Variants in RYR2 observed in about 807,000 individuals in gnomAD.
RYR2 encodes cardiac muscle ryanodine receptor-calcium release channel.
Under a neutral mutation model 601.1 loss-of-function variants are expected in RYR2, and 227 were observed. The ratio of observed to expected loss-of-function variants is 0.38; its 90% CI spans 0.34 to 0.42. The LOEUF (loss-of-function observed/expected upper bound fraction) is 0.42. Among genes scored for constraint, RYR2 ranks in the 10% least tolerant of loss-of-function variants. The pLI is 1.00. For synonymous variants in RYR2, 2,223 were observed against 2,175.1 expected (o/e 1.02, Z -0.61); for missense variants, 4,646 against 6,156.5 (o/e 0.75, Z 8.21).
intron 1 of RYR2, among the ~76,000 whole-genome samples, chr1:237,045,961 T>A (rs955858621): frequency 6.7e-6 from 1 of 149,584 alleles, no homozygotes; most frequent in Non-Finnish European, 1.5e-5. Context: ...TACTGTGTCA[T>A]GTAGTTTTGT....
intron 1 of RYR2, among the ~76,000 whole-genome samples, chr1:237,242,513 G>A (rs982583076): frequency 1.3e-5 from 2 of 152,046 alleles, no homozygotes; most frequent in African/African-American, 2.4e-5. Flanking sequence ...GTCTTGTGAA[G>A]TAGATACTTT....
chr1:237,544,586 A>G, intron 25 of RYR2, among the ~76,000 whole-genome samples: 1 of 152,176 alleles, frequency 6.6e-6, no homozygotes, highest in East Asian at 1.9e-4. Flanking sequence ...TGTCAATTAC[A>G]TTTGATTCAA....
intron 29 of RYR2, among the ~76,000 whole-genome samples, chr1:237,580,931 C>G (rs530432747): frequency 6.6e-6 from 1 of 152,276 alleles, no homozygotes; most frequent in South Asian, 2.1e-4. Context: ...GCCTTCCAGC[C>G]TCCAGACTGT....
chr1:237,715,748 G>A (rs1016557070), intron 71 of RYR2, among the ~76,000 whole-genome samples: 2 of 152,078 alleles, frequency 1.3e-5, no homozygotes, highest in Non-Finnish European at 1.5e-5. Flanking sequence ...CTATATTGGG[G>A]ATGTCGCTTT....
At chr1:237,591,645 C>A in intron 31 of RYR2, 94 bp from the exon 32 acceptor site, 1 of 1,049,846 alleles carries the variant, frequency 9.5e-7, no homozygotes, top group Non-Finnish European at 1.4e-6. Context: ...CAAAATCGCC[C>A]AGGTTTAAGG....
At chr1:237,626,569 T>A in intron 40 of RYR2, among the ~76,000 whole-genome samples, 1 of 142,474 alleles carries the variant, frequency 7.0e-6, no homozygotes, top group African/African-American at 2.6e-5. Flanking sequence ...TTTCTTTTTC[T>A]TTTTCTTTTT....
intron 3 of RYR2, among the ~76,000 whole-genome samples, chr1:237,343,662 T>A (rs766570005): frequency 6.6e-6 from 1 of 152,338 alleles, no homozygotes; most frequent in African/African-American, 2.4e-5. Context: ...TTTGTGTGAA[T>A]GACAATTATA....
At chr1:237,088,379 C>G (rs1291317578) in intron 1 of RYR2, among the ~76,000 whole-genome samples, 1 of 152,174 alleles carries the variant, frequency 6.6e-6, no homozygotes, top group Non-Finnish European at 1.5e-5. Context: ...GCTTTTCTTT[C>G]CTTTTTCTAC....
chr1:237,668,881 T>C (rs528690731), intron 58 of RYR2, among the ~76,000 whole-genome samples: 70 of 152,062 alleles, frequency 4.6e-4, no homozygotes, highest in African/African-American at 1.5e-3. Context: ...TTATTTTTTA[T>C]TTTTTTTATT....
At chr1:237,375,833 A>C (rs1304863170) in intron 7 of RYR2, among the ~76,000 whole-genome samples, 1 of 152,354 alleles carries the variant, frequency 6.6e-6, no homozygotes, top group South Asian at 2.1e-4. Flanking sequence ...TCTCTTCAAA[A>C]GAAGTAAAAG....
At chr1:237,279,128 C>T (rs551616910) in intron 2 of RYR2, among the ~76,000 whole-genome samples, 149 of 152,216 alleles carry the variant, frequency 9.8e-4, no homozygotes, top group Non-Finnish European at 1.9e-3. Context: ...GTTTCCTCTT[C>T]AAGGACTGAG....
chr1:237,068,032 A>ATTTTTTT (rs36053229), intron 1 of RYR2, among the ~76,000 whole-genome samples: 1 of 122,888 alleles, frequency 8.1e-6, no homozygotes. Flanking sequence ...CAGAACTTTG[A>ATTTTTTT]TTTTTTTTTT....
chr1:237,641,067 C>G lies in RYR2; in HGVS notation c.7221+65C>G, dbSNP rs140062372. 15 of 1,163,274 alleles carry G rather than the reference C, an allele frequency of 1.3e-5. No homozygotes were observed. In the East Asian group the frequency reaches 3.5e-4, roughly 27 times the overall value. 72.1% of individuals were successfully genotyped at this position (1,163,274 alleles called of 1,614,324 possible). On this transcript the variant is annotated intron_variant, in intron 47 of 104. Coordinates refer to ENST00000366574, the MANE Select transcript of RYR2 (RefSeq NM_001035.3). Reference sequence around the variant, plus strand: ...TCTGTGTTAAGACATCTATAGCTGTCAAAGAGCATAACAGCATCCAAAACC... The same window carrying G: ...TCTGTGTTAAGACATCTATAGCTGTGAAAGAGCATAACAGCATCCAAAACC...
chr1:237,320,251 T>TA (rs35901521), intron 2 of RYR2, among the ~76,000 whole-genome samples: 36 of 152,168 alleles, frequency 2.4e-4, no homozygotes, highest in Non-Finnish European at 4.3e-4. Context: ...ATAATTTATT[T>TA]AAAAAATGCA....
At chr1:237,127,539 G>A (rs866511745) in intron 1 of RYR2, among the ~76,000 whole-genome samples, 4 of 151,212 alleles carry the variant, frequency 2.6e-5, no homozygotes, top group Admixed American at 6.6e-5. Flanking sequence ...CCTCCCGGAC[G>A]GGGCGGCTGG....
chr1:237,364,520 G>C (rs1287029309), intron 5 of RYR2, 148 bp downstream of exon 5: 1 of 376,170 alleles, frequency 2.7e-6, no homozygotes, highest in Admixed American at 4.7e-5. Flanking sequence ...ATATATATGT[G>C]GTACTTTGTA....
At chr1:237,739,923 A>G (rs1247312178) in intron 79 of RYR2, among the ~76,000 whole-genome samples, 2 of 152,156 alleles carry the variant, frequency 1.3e-5, no homozygotes, top group Non-Finnish European at 2.9e-5. Context: ...TCTGTTGTGG[A>G]TACCTGAATG....
At chr1:237,562,899 GT>G (rs1671598213) in intron 27 of RYR2, among the ~76,000 whole-genome samples, 1 of 152,136 alleles carries the variant, frequency 6.6e-6, no homozygotes, top group African/African-American at 2.4e-5. Flanking sequence ...TCTAGATACA[GT>G]TTGGCAGGTA....
At position 237,340,998 on chromosome 1, in the gene RYR2, G is replaced by T. The variant is rs558316835; in HGVS notation, c.273+10016G>T. On this transcript the variant is annotated intron_variant, in intron 3 of 104. Transcript: ENST00000366574. ...GACAACTTTCTACTCAGAAGCCAAG[G>T]ATATTCCATATTTCTAAGTATTTGA... is the stretch of plus-strand genomic sequence containing the variant. Among the ~76,000 whole-genome samples the T allele has an allele frequency of 2.0e-5, 3 of 152,238 alleles. No individual in the cohort carries two copies. The South Asian group carries it at 6.2e-4, about 32-fold the overall frequency.
Sources: gnomAD v4.1 joint callset for allele counts (sites outside exome capture counted in the v4.1 genomes callset) on GRCh38, gnomAD v4.1.1 for gene constraint, MANE v1.5 for transcripts, NCBI Gene and HGNC (gene_info 2026-07-23, HGNC 2026-07-21) for gene names.